Variants in ERCC3 observed in about 807,000 individuals in gnomAD.
The protein encoded by ERCC3 is ERCC excision repair 3, TFIIH core complex helicase subunit.
Under a neutral mutation model 94.2 loss-of-function variants are expected in ERCC3, and 66 were observed. That is an observed-to-expected ratio of 0.70 (90% CI 0.57 to 0.86). The LOEUF (loss-of-function observed/expected upper bound fraction) is 0.86, where lower values mean the gene tolerates loss of function less well. Among genes scored for constraint, ERCC3 ranks in the 40% least tolerant of loss-of-function variants. The pLI, the probability that ERCC3 is intolerant of heterozygous loss-of-function variation, is 0.00. For missense variants in ERCC3, 829 were observed against 987.1 expected (o/e 0.84, Z 2.15); for synonymous variants, 349 against 369.1 (o/e 0.95, Z 0.63).
chr2:127,280,998 A>G lies in ERCC3; in HGVS notation c.1343-367T>C. The G allele has an allele frequency of 2.2e-6, 1 of 446,526 alleles. No homozygotes were observed. 27.7% of individuals were successfully genotyped at this position (446,526 alleles called of 1,614,324 possible). A position where few individuals can be genotyped will look rare whatever the true frequency, so the allele number is the denominator to read the frequency against. ...CTGTCCAAAAGAAAATGAAAAGGAG[A>G]ACAAGAGGGTGAAATGAGCTTAAGG... On this transcript the variant is annotated intron_variant, in intron 8 of 14. Transcript: ENST00000285398. This position sits in a 1 kb window ranked among gnomAD's most constrained non-coding sequence, Gnocchi z 6.3.
Position 127,271,347 on chromosome 2 carries a change from C to T in ERCC3, c.1934G>A (p.Arg645Gln), listed in dbSNP as rs1366074068. The change falls in exon 12 of 15, where the codon CGA (arginine) becomes CAA (glutamine). Residue 645 changes from arginine to glutamine, a missense_variant. By Grantham distance (43) the Arg-to-Gln change is conservative. Transcript: ENST00000285398. The surrounding 1 kb of genome is among the most constrained non-coding windows in gnomAD (Gnocchi z 5.0). ...QEAQRLGRVL[R>Q]AKKGMVAEEY... is the part of the protein sequence containing the mutation. ...AAAGGCCACTTTACCTTTTTTAGCT[C>T]GAAGCACCCGCCCTAGCCTTTGGGC... 3.1e-6 allele frequency: 5 copies of T among 1,612,986 alleles called. No individual in the cohort carries two copies. Among genetic ancestry groups the T allele is most frequent in the Non-Finnish European group, 4.2e-6 (5 of 1,178,998 alleles).
At position 127,277,599 on chromosome 2, in the gene ERCC3, G is replaced by A. The variant is rs1684770834; in HGVS notation, c.1730+1574C>T. ...CCAGCTACTCAGGAGGCTGAGGCAG[G>A]AGAATCACTTGAACCCACAAGGCAG... On this transcript the variant is annotated intron_variant, in intron 10 of 14. Transcript: ENST00000285398. The surrounding 1 kb of genome is among the most constrained non-coding windows in gnomAD (Gnocchi z 5.1). 6.6e-6 allele frequency among the ~76,000 whole-genome samples: 1 copy of A among 151,922 alleles called. No homozygotes were observed. Among genetic ancestry groups the A allele is most frequent in the African/African-American group, 2.4e-5 (1 of 41,342 alleles).
intron 11 of ERCC3, among the ~76,000 whole-genome samples, chr2:127,272,156 T>C (rs1558952733): frequency 6.6e-6 from 1 of 151,656 alleles, no homozygotes; most frequent in Non-Finnish European, 1.5e-5. Context: ...TCCTGAGTAG[T>C]TGGGATTACA....
chr2:127,292,217 T>G, intron 3 of ERCC3: 1 of 346,574 alleles, frequency 2.9e-6, no homozygotes, highest in Non-Finnish European at 5.6e-6. Flanking sequence ...GGATATTAGG[T>G]TTTGAAGACA....
Position 127,293,521 on chromosome 2 carries a change from G to A in ERCC3, c.226C>T (p.Leu76Phe). The change falls in exon 2 of 15, where the codon CTC (leucine) becomes TTC (phenylalanine). Residue 76 changes from leucine to phenylalanine, a missense_variant. Physicochemically the swap from Leu to Phe is conservative, Grantham distance 22. Coordinates refer to ENST00000285398, the MANE Select transcript of ERCC3 (RefSeq NM_000122.2). Reference protein sequence around the residue: ...PLKDDHTSRPLWVAPDGHIFL... With the variant: ...PLKDDHTSRPFWVAPDGHIFL... Reference sequence around the variant, plus strand: ...GCTAAGGGCATGCTTACCACCCAGAGGGGCCTGGAGGTGTGGTCGTCCTTC... The same window carrying A: ...GCTAAGGGCATGCTTACCACCCAGAAGGGCCTGGAGGTGTGGTCGTCCTTC... 6.2e-7 allele frequency: 1 copy of A among 1,614,100 alleles called. No individual in the cohort carries two copies. The highest frequency in any genetic ancestry group is 8.5e-7 in the Non-Finnish European group (1 of 1,179,990).
chr2:127,257,583 C>A lies in ERCC3; in HGVS notation c.*13G>T, dbSNP rs1413144918. Reference sequence around the variant, plus strand: ...CCAAGCGCCGGTCTTGAACGAAGTACCCTGCCTAAGCATCATTTCCTAAAG... The same window carrying A: ...CCAAGCGCCGGTCTTGAACGAAGTAACCTGCCTAAGCATCATTTCCTAAAG... On this transcript the variant is annotated 3_prime_UTR_variant, in exon 15 of 15. Transcript: ENST00000285398. The surrounding 1 kb of genome is among the most constrained non-coding windows in gnomAD (Gnocchi z 5.4). 1.2e-6 allele frequency: 2 copies of A among 1,613,520 alleles called. No individual in the cohort carries two copies. Among genetic ancestry groups the A allele is most frequent in the Admixed American group, 3.3e-5 (2 of 60,020 alleles).
At position 127,271,365 on chromosome 2, in the gene ERCC3, C is replaced by A; in HGVS notation, c.1916G>T (p.Arg639Met). Residue 639 changes from arginine to methionine, a missense_variant, in exon 12 of 15, where the codon AGG becomes ATG. Physicochemically the swap from Arg to Met is moderately conservative, Grantham distance 91. Coordinates refer to ENST00000285398, the MANE Select transcript of ERCC3 (RefSeq NM_000122.2). The surrounding 1 kb of genome is among the most constrained non-coding windows in gnomAD (Gnocchi z 5.0). ...HGGSRRQEAQ[R>M]LGRVLRAKKG... is the part of the protein sequence containing the mutation. Reference sequence around the variant, plus strand: ...TTTAGCTCGAAGCACCCGCCCTAGCCTTTGGGCTTCCTGACGCCTGGAGCC... The same window carrying A: ...TTTAGCTCGAAGCACCCGCCCTAGCATTTGGGCTTCCTGACGCCTGGAGCC... 1.2e-6 allele frequency: 2 copies of A among 1,614,056 alleles called. No individual in the cohort carries two copies. The highest frequency in any genetic ancestry group is 1.7e-6 in the Non-Finnish European group (2 of 1,179,934).
At position 127,289,361 on chromosome 2, in the gene ERCC3, CTG is replaced by C. The variant is rs1558962530; in HGVS notation, c.796_797del (p.Gln266AspfsTer5). ...CCTGCTTGACTTCAAAAGACACTGT[CTG>C]TGTCTCTTCTTCTTCTTCTTCATCC... Reference protein sequence around the residue: ...DKDEEEEEETQTVSFEVKQEM... With the variant: ...DKDEEEEEETXTVSFEVKQEM... On this transcript the variant is annotated frameshift_variant, in exon 6 of 15. Coordinates refer to ENST00000285398, the MANE Select transcript of ERCC3 (RefSeq NM_000122.2). LOFTEE classifies it high-confidence loss of function. The C allele has an allele frequency of 6.2e-7, 1 of 1,613,802 alleles. No individual in the cohort carries two copies. Among genetic ancestry groups the C allele is most frequent in the Non-Finnish European group, 8.5e-7 (1 of 1,180,014 alleles).
In ERCC3 at chr2:127,279,432, A is replaced by T; in HGVS notation, c.1528-57T>A. On this transcript the variant is annotated intron_variant, in intron 9 of 14. Coordinates refer to ENST00000285398, the MANE Select transcript of ERCC3 (RefSeq NM_000122.2). The surrounding 1 kb of genome is among the most constrained non-coding windows in gnomAD (Gnocchi z 4.7). ...ACAAGTTTAAACACCACACAATTTA[A>T]AACTTTTGAAGACCTTTCTCTAGCA... 7.4e-7 allele frequency: 1 copy of T among 1,353,194 alleles called. No homozygotes were observed. 83.8% of individuals were successfully genotyped at this position (1,353,194 alleles called of 1,614,324 possible). A position where few individuals can be genotyped will look rare whatever the true frequency, so the allele number is the denominator to read the frequency against.
rs756058575 is a variant in ERCC3, at chr2:127,280,425, C to A, written c.1527+22G>T. On this transcript the variant is annotated intron_variant, in intron 9 of 14. Transcript: ENST00000285398. The surrounding 1 kb of genome is among the most constrained non-coding windows in gnomAD (Gnocchi z 6.3). ...ATAGGAGGAGGCCCTTTCCCAGACG[C>A]CCCCAGCCCAGGCCCAGCTACCTCA... 4 of 1,601,746 alleles carry A rather than the reference C, an allele frequency of 2.5e-6. No homozygotes were observed. Among genetic ancestry groups the A allele is most frequent in the African/African-American group, 1.3e-5 (1 of 74,642 alleles).
intron 4 of ERCC3, 71 bp downstream of exon 4, chr2:127,290,153 T>A: frequency 2.5e-6 from 3 of 1,192,360 alleles, no homozygotes; most frequent in Non-Finnish European, 2.5e-6. Context: ...GTCCTTCCCA[T>A]ATCCCTTTAT....
chr2:127,278,652 C>T (rs1320781507), intron 10 of ERCC3, among the ~76,000 whole-genome samples: 1 of 152,238 alleles, frequency 6.6e-6, no homozygotes, highest in African/African-American at 2.4e-5. Context: ...TTCCTCCTTA[C>T]TTGGCAGAGC....
intron 12 of ERCC3, among the ~76,000 whole-genome samples, chr2:127,265,327 T>C (rs1332764787): frequency 6.6e-6 from 1 of 152,232 alleles, no homozygotes; most frequent in Non-Finnish European, 1.5e-5. Flanking sequence ...TTTGTATTTC[T>C]GGGGATCAGC....
intron 10 of ERCC3, among the ~76,000 whole-genome samples, chr2:127,278,295 A>AAG (rs1192377206): frequency 6.6e-6 from 1 of 152,076 alleles, no homozygotes; most frequent in Non-Finnish European, 1.5e-5. Context: ...AACAACAAAA[A>AAG]AGAGTCAAAA....
rs972175525 is a variant in ERCC3, at chr2:127,264,441, G to A, written c.1946-3095C>T. Among the ~76,000 whole-genome samples the A allele has an allele frequency of 2.6e-5, 4 of 152,116 alleles. No individual in the cohort carries two copies. The highest frequency in any genetic ancestry group is 9.7e-5 in the African/African-American group (4 of 41,420). ...AGATTGCACCATTGCACTCCAGCCT[G>A]GGCAACAAGAGCAAGACTCTGCCTC... On this transcript the variant is annotated intron_variant, in intron 12 of 14. Coordinates refer to ENST00000285398, the MANE Select transcript of ERCC3 (RefSeq NM_000122.2). This position sits in a 1 kb window ranked among gnomAD's most constrained non-coding sequence, Gnocchi z 4.4.
chr2:127,275,780 A>G (rs549611351), intron 10 of ERCC3, among the ~76,000 whole-genome samples: 12 of 152,360 alleles, frequency 7.9e-5, no homozygotes, highest in African/African-American at 2.6e-4. Flanking sequence ...ATAACAGCAG[A>G]TGAGAGAAGT....
chr2:127,271,286 T>TTA lies in ERCC3; in HGVS notation c.1945+49_1945+50insTA. 8.0e-7 allele frequency: 1 copy of TTA among 1,251,260 alleles called. No individual in the cohort carries two copies. Among genetic ancestry groups the TTA allele is most frequent in the Non-Finnish European group, 1.2e-6 (1 of 848,690 alleles). 77.5% of individuals were successfully genotyped at this position (1,251,260 alleles called of 1,614,324 possible). A position where few individuals can be genotyped will look rare whatever the true frequency, so the allele number is the denominator to read the frequency against. ...ACCCCTATCGTCTTCCTAACTAAAG[T>TTA]GGTTTAAGAGGAGTGACCTCCTGCA... On this transcript the variant is annotated intron_variant, in intron 12 of 14. Coordinates refer to ENST00000285398, the MANE Select transcript of ERCC3 (RefSeq NM_000122.2). The surrounding 1 kb of genome is among the most constrained non-coding windows in gnomAD (Gnocchi z 5.0).
At position 127,271,347 on chromosome 2, in the gene ERCC3, C is replaced by G; in HGVS notation, c.1934G>C (p.Arg645Pro). 6.2e-7 allele frequency: 1 copy of G among 1,612,986 alleles called. No homozygotes were observed. Among genetic ancestry groups the G allele is most frequent in the Non-Finnish European group, 8.5e-7 (1 of 1,178,998 alleles). ...AAAGGCCACTTTACCTTTTTTAGCT[C>G]GAAGCACCCGCCCTAGCCTTTGGGC... ...QEAQRLGRVLRAKKGMVAEEY... is the reference protein window; with the variant it reads ...QEAQRLGRVLPAKKGMVAEEY... The change falls in exon 12 of 15, where the codon CGA becomes CCA. Residue 645 changes from arginine (R) to proline (P), a missense_variant. By Grantham distance (103) the Arg-to-Pro change is moderately radical (BLOSUM62 -2). Coordinates refer to ENST00000285398, the MANE Select transcript of ERCC3 (RefSeq NM_000122.2). The surrounding 1 kb of genome is among the most constrained non-coding windows in gnomAD (Gnocchi z 5.0).
chr2:127,267,288 C>T (rs569715551), intron 12 of ERCC3, among the ~76,000 whole-genome samples: 5 of 152,180 alleles, frequency 3.3e-5, no homozygotes, highest in East Asian at 1.9e-4. Flanking sequence ...CAATGTTGGG[C>T]GCATATATAT....
Sources: allele counts gnomAD v4.1 joint callset (sites outside exome capture counted in the v4.1 genomes callset), GRCh38; gene constraint gnomAD v4.1.1; non-coding constraint Gnocchi (gnomAD v3.1); transcripts MANE v1.5; gene names NCBI Gene and HGNC (gene_info 2026-07-23, HGNC 2026-07-21).